Variants in RUFY4 observed in about 807,000 individuals in gnomAD.
RUFY4 encodes the protein RUN and FYVE domain containing 4.
Under a neutral mutation model 69.0 loss-of-function variants are expected in RUFY4, and 73 were observed. The observed-to-expected ratio is 1.06, with a 90% CI of 0.88 to 1.29. The LOEUF (loss-of-function observed/expected upper bound fraction) is 1.29. RUFY4 is among the 50% of genes most tolerant of loss of function. RUFY4 has a pLI of 0.00. For missense variants in RUFY4, 770 were observed against 705.6 expected, an observed-to-expected ratio of 1.09 and a Z score of -1.03; for synonymous variants, 287 against 271.8, an observed-to-expected ratio of 1.06 and a Z score of -0.55.
chr2:218,061,024 C>G (rs937071961), intron 3 of RUFY4: 1 of 718,966 alleles, frequency 1.4e-6, no homozygotes, highest in Non-Finnish European at 2.6e-6. Context: ...AGTAGAATAC[C>G]ACCGTAGAAG....
At chr2:218,036,009 A>G (rs770176508) in intron 2 of RUFY4, among the ~76,000 whole-genome samples, 1 of 152,194 alleles carries the variant, frequency 6.6e-6, no homozygotes, top group Non-Finnish European at 1.5e-5. Context: ...GCTCACACCA[A>G]GTCAGGGCCC....
intron 2 of RUFY4, 100 bp from the exon 5 acceptor site, chr2:218,072,274 A>G: frequency 7.1e-7 from 1 of 1,409,864 alleles, no homozygotes; most frequent in Non-Finnish European, 9.5e-7. Context: ...TGTCTGCAGG[A>G]GCCCTCTCCT....
chr2:218,084,812 G>A (rs932704595), intron 9 of RUFY4, among the ~76,000 whole-genome samples: 1 of 152,126 alleles, frequency 6.6e-6, no homozygotes, highest in Admixed American at 6.5e-5. Context: ...CTTTAGGAAG[G>A]TGAGGTGGAT....
intron 9 of RUFY4, among the ~76,000 whole-genome samples, chr2:218,088,508 C>G (rs564959323): frequency 6.6e-6 from 1 of 151,496 alleles, no homozygotes; most frequent in East Asian, 1.9e-4. Flanking sequence ...ATTAGTTTTG[C>G]AAGGGCATAC....
exon 7 of RUFY4, chr2:218,075,095 C>T (rs1452871279): frequency 6.6e-7 from 1 of 1,521,614 alleles, no homozygotes; most frequent in Non-Finnish European, 8.8e-7. Flanking sequence ...CTCCACAGAT[C>T]CCAGCCGCAT....
At chr2:218,072,853 G>A in exon 4 of RUFY4, 3 of 1,535,838 alleles carry the variant, frequency 2.0e-6, no homozygotes, top group Non-Finnish European at 2.6e-6. Flanking sequence ...CTGAGGCCCT[G>A]CAGCTTTGCC....
chr2:218,073,906 C>T (rs773876099), intron 6 of RUFY4, 21 bp downstream of exon 8: 1 of 1,612,678 alleles, frequency 6.2e-7, no homozygotes, highest in East Asian at 2.2e-5. Flanking sequence ...CCTGCCTTCA[C>T]TCTGAGTTGC....
chr2:218,054,549 T>C (rs554547014), intron 2 of RUFY4, among the ~76,000 whole-genome samples: 2 of 135,374 alleles, frequency 1.5e-5, no homozygotes, highest in Middle Eastern at 3.5e-3. Context: ...AGTGAGACTC[T>C]GTCTCAAAAA....
At chr2:218,077,931 G>T (rs1431677918) in intron 8 of RUFY4, among the ~76,000 whole-genome samples, 1 of 152,230 alleles carries the variant, frequency 6.6e-6, no homozygotes, top group East Asian at 1.9e-4. Context: ...GCAGCTGGGA[G>T]GTTATAGAGA....
At chr2:218,064,851 C>T (rs940941371), upstream of RUFY4, among the ~76,000 whole-genome samples, 40 of 152,064 alleles carry the variant, frequency 2.6e-4, no homozygotes, top group African/African-American at 9.2e-4. Flanking sequence ...TTCCTCCCCA[C>T]CCAGCACCCA....
chr2:218,042,596 T>C (rs1015451913), intron 2 of RUFY4, among the ~76,000 whole-genome samples: 3 of 152,198 alleles, frequency 2.0e-5, no homozygotes, highest in Non-Finnish European at 2.9e-5. Flanking sequence ...AGCTTGAATG[T>C]CTCTGGTTAT....
At chr2:218,079,340 C>A (rs937600018) in intron 8 of RUFY4, among the ~76,000 whole-genome samples, 20 of 152,174 alleles carry the variant, frequency 1.3e-4, no homozygotes, top group Non-Finnish European at 2.2e-4. Flanking sequence ...AGTAGAACTT[C>A]CTGAGGAATT....
exon 7 of RUFY4, chr2:218,075,569 A>C (rs1689609251): frequency 6.5e-7 from 1 of 1,528,682 alleles, no homozygotes; most frequent in Non-Finnish European, 8.8e-7. Context: ...GAGCAGTATC[A>C]GGGAGCAGGC....
chr2:218,046,926 T>C (rs1688841768), intron 2 of RUFY4, among the ~76,000 whole-genome samples: 1 of 151,900 alleles, frequency 6.6e-6, no homozygotes, highest in Non-Finnish European at 1.5e-5. Context: ...TTTGGGGAGC[T>C]GTCAAAAATG....
intron 3 of RUFY4, among the ~76,000 whole-genome samples, chr2:218,062,529 G>A (rs1186954978): frequency 2.6e-5 from 4 of 151,966 alleles, no homozygotes; most frequent in South Asian, 2.1e-4. Flanking sequence ...TGGGCAACAC[G>A]GTGAAACCCC....
chr2:218,089,890 G>A lies in RUFY4; in HGVS notation c.1614-62G>A, dbSNP rs975227520. The A allele has an allele frequency of 1.1e-4, 119 of 1,113,660 alleles. No homozygotes were observed. In the South Asian group the frequency reaches 1.1e-3, roughly 11 times the overall value. 69.0% of individuals were successfully genotyped at this position (1,113,660 alleles called of 1,614,324 possible). On this transcript the variant is annotated intron_variant, in intron 10 of 10. Coordinates refer to ENST00000344321, the Ensembl canonical transcript of RUFY4. ...GATGCTGGAACTCCATGACCTCAGC[G>A]CCCACTTGGGGAAGTGCCAGCTGCA...
chr2:218,044,496 G>A (rs1688780518), intron 2 of RUFY4, among the ~76,000 whole-genome samples: 1 of 152,200 alleles, frequency 6.6e-6, no homozygotes, highest in East Asian at 1.9e-4. Flanking sequence ...AGGTAAACTT[G>A]TGTCATGGGG....
chr2:218,046,527 C>T (rs775436772), intron 2 of RUFY4, among the ~76,000 whole-genome samples: 2 of 152,160 alleles, frequency 1.3e-5, no homozygotes, highest in South Asian at 4.1e-4. Flanking sequence ...CTGAAGCAAT[C>T]ATTTTCTATG....
Position 218,089,235 on chromosome 2 carries a change from C to G in RUFY4, c.1503-17C>G. On this transcript the variant is annotated splice_polypyrimidine_tract_variant and intron_variant, in intron 9 of 10. Coordinates refer to ENST00000344321, the Ensembl canonical transcript of RUFY4. Reference sequence around the variant, plus strand: ...TCTGTCTCTGTCTGTGTCTCTCCACCTTCATCCCCCCATCAGAGAGAAGGA... The same window carrying G: ...TCTGTCTCTGTCTGTGTCTCTCCACGTTCATCCCCCCATCAGAGAGAAGGA... The G allele has an allele frequency of 6.3e-7, 1 of 1,598,136 alleles. No homozygotes were observed. The highest frequency in any genetic ancestry group is 8.6e-7 in the Non-Finnish European group (1 of 1,166,834).
Sources: allele counts gnomAD v4.1 joint callset (sites outside exome capture counted in the v4.1 genomes callset), GRCh38; gene constraint gnomAD v4.1.1; transcripts MANE v1.5; gene names NCBI Gene and HGNC (gene_info 2026-07-23, HGNC 2026-07-21).